Variants in SCG3 observed in about 807,000 individuals in gnomAD.
The protein encoded by SCG3 is secretogranin-3.
In SCG3, 38 loss-of-function variants were observed where a neutral mutation model predicts 56.2. The observed-to-expected ratio is 0.68, with a 90% confidence interval of 0.52 to 0.89. The LOEUF (loss-of-function observed/expected upper bound fraction) is 0.89. SCG3 is among the 40% of genes least tolerant of loss of function. SCG3 has a pLI of 0.00. For missense variants in SCG3, 524 were observed against 540.7 expected (o/e 0.97, Z 0.31); for synonymous variants, 176 against 184.2 (o/e 0.96, Z 0.36).
Position 51,689,353 on chromosome 15 carries a change from A to G in SCG3, c.675A>G (p.Lys225=), listed in dbSNP as rs537976380. 1 of 1,613,552 alleles carries G rather than the reference A, an allele frequency of 6.2e-7. No homozygotes were observed. Among genetic ancestry groups the G allele is most frequent in the South Asian group, 1.1e-5 (1 of 91,020 alleles). ...PTSWTENQAG[K]IPEKVTPMAA... is the part of the protein sequence containing the mutation. The stretch of plus-strand genomic sequence containing the variant: ...GCTGGACTGAGAATCAGGCTGGAAA[A>G]ATACCAGAGAAAGTGGTATGTATGT... The change falls in exon 6 of 12, where the codon AAA becomes AAG. Residue 225 remains lysine (K), a synonymous_variant. Transcript: ENST00000220478.
intron 1 of SCG3, 72 bp downstream of exon 1, chr15:51,681,909 G>C (rs1595825621): frequency 8.2e-7 from 1 of 1,225,500 alleles, no homozygotes; most frequent in African/African-American, 1.5e-5. Flanking sequence ...GGCATAATAC[G>C]TGAGCTGTAA....
chr15:51,709,814 G>A (rs1317938541), intron 10 of SCG3, among the ~76,000 whole-genome samples: 3 of 136,798 alleles, frequency 2.2e-5, no homozygotes, highest in East Asian at 2.2e-4. Flanking sequence ...TCCGCCTCCC[G>A]GGTTCATGCT....
intron 5 of SCG3, 36 bp downstream of exon 5, chr15:51,688,438 G>T (rs1286696704): frequency 6.2e-7 from 1 of 1,601,528 alleles, no homozygotes; most frequent in African/African-American, 1.3e-5. Flanking sequence ...CAAATTCCTA[G>T]TGCAGTTTAG....
intron 11 of SCG3, among the ~76,000 whole-genome samples, chr15:51,717,359 C>T (rs1369665043): frequency 6.7e-6 from 1 of 149,246 alleles, no homozygotes; most frequent in Non-Finnish European, 1.5e-5. Context: ...CGGTGCAAGA[C>T]TCCGTCTCAA....
At chr15:51,698,195 A>G (rs1324562595) in intron 8 of SCG3, among the ~76,000 whole-genome samples, 1 of 152,246 alleles carries the variant, frequency 6.6e-6, no homozygotes, top group Non-Finnish European at 1.5e-5. Context: ...AGTAATAATA[A>G]GATCCTTACA....
chr15:51,685,398 C>A (rs934561106), intron 4 of SCG3, among the ~76,000 whole-genome samples: 12 of 152,146 alleles, frequency 7.9e-5, no homozygotes, highest in Non-Finnish European at 8.8e-5. Context: ...TTTGATCTGA[C>A]CGCTAATTTG....
At position 51,719,647 on chromosome 15, in the gene SCG3, C is replaced by A; in HGVS notation, c.*121C>A. ...GGGTTATTAGAAAGTGCTGAATTTACAGTAGTTAACCTTTTACAAGTGGTT... is the reference window on the plus strand; with the variant it reads ...GGGTTATTAGAAAGTGCTGAATTTAAAGTAGTTAACCTTTTACAAGTGGTT... On this transcript the variant is annotated 3_prime_UTR_variant, in exon 12 of 12. Coordinates refer to ENST00000220478, the MANE Select transcript of SCG3 (RefSeq NM_013243.4). The A allele has an allele frequency of 1.5e-6, 1 of 645,432 alleles. No individual in the cohort carries two copies. Among genetic ancestry groups the A allele is most frequent in the Non-Finnish European group, 2.7e-6 (1 of 375,258 alleles). 40.0% of individuals were successfully genotyped at this position (645,432 alleles called of 1,614,324 possible). A position where few individuals can be genotyped will look rare whatever the true frequency, so the allele number is the denominator to read the frequency against.
intron 11 of SCG3, among the ~76,000 whole-genome samples, chr15:51,714,275 T>G (rs1423401193): frequency 6.6e-6 from 1 of 152,150 alleles, no homozygotes; most frequent in Admixed American, 6.5e-5. Flanking sequence ...GAGCCTAAAT[T>G]GGGGCCTAAT....
intron 1 of SCG3, 91 bp from the exon 2 acceptor site, chr15:51,682,426 T>G (rs2055200657): frequency 1.6e-6 from 1 of 619,502 alleles, no homozygotes. Context: ...TCTCCTAATA[T>G]TTTTCCTTTT....
rs548283577 is a variant in SCG3 at position 51,718,065 on chromosome 15, TTCTTCTGAGGCC to T, written c.1289-1342_1289-1331del. ...GAGAAAGATTCTGCTTCCTGAGGCC[TTCTTCTGAGGCC>T]CAAAGTGCCCTAACATTATGACAAA... On this transcript the variant is annotated intron_variant, in intron 11 of 11. Transcript: ENST00000220478. Among the ~76,000 whole-genome samples the T allele has an allele frequency of 5.9e-5, 9 of 152,296 alleles. No individual in the cohort carries two copies. The East Asian group carries it at 1.7e-3, about 29-fold the overall frequency.
chr15:51,704,244 C>CATATATATATATATAT (rs750951935), intron 10 of SCG3, among the ~76,000 whole-genome samples: 55 of 73,598 alleles, frequency 7.5e-4, no homozygotes, highest in African/African-American at 1.6e-3. Flanking sequence ...TACATACATA[C>CATATATATATATATAT]ATATATATAT....
At chr15:51,718,534 C>T (rs2055474189) in intron 11 of SCG3, among the ~76,000 whole-genome samples, 1 of 152,050 alleles carries the variant, frequency 6.6e-6, no homozygotes, top group South Asian at 2.1e-4. Flanking sequence ...CCTTTTATAC[C>T]CACTCTCTCC....
chr15:51,692,987 A>G (rs543652074), intron 7 of SCG3, among the ~76,000 whole-genome samples: 9 of 152,284 alleles, frequency 5.9e-5, no homozygotes, highest in African/African-American at 2.2e-4. Context: ...ATTCTCCAGA[A>G]TGTATTCATC....
intron 11 of SCG3, among the ~76,000 whole-genome samples, chr15:51,717,742 A>G (rs964349281): frequency 1.3e-5 from 2 of 152,120 alleles, no homozygotes; most frequent in Non-Finnish European, 2.9e-5. Flanking sequence ...GTTTTTGTTC[A>G]CCTTCCTGTC....
rs1233965653 is a variant in SCG3 at position 51,701,091 on chromosome 15, C to T, written c.1070-16C>T. 1.2e-6 allele frequency: 2 copies of T among 1,612,968 alleles called. No individual in the cohort carries two copies. The highest frequency in any genetic ancestry group is 1.3e-5 in the African/African-American group (1 of 74,876). On this transcript the variant is annotated splice_polypyrimidine_tract_variant and intron_variant, in intron 9 of 11. Transcript: ENST00000220478. ...AGGAAACAGGGCTATGACAACAATGCTCAATCTGATTACAGCACCATCAGA... is the reference window on the plus strand; with the variant it reads ...AGGAAACAGGGCTATGACAACAATGTTCAATCTGATTACAGCACCATCAGA...
At chr15:51,697,467 A>G (rs894169843) in intron 8 of SCG3, among the ~76,000 whole-genome samples, 3 of 152,246 alleles carry the variant, frequency 2.0e-5, no homozygotes, top group Non-Finnish European at 4.4e-5. Context: ...TAACTTAAGC[A>G]GAATTTAAAA....
intron 7 of SCG3, among the ~76,000 whole-genome samples, chr15:51,694,756 C>T (rs556574990): frequency 2.6e-5 from 4 of 152,220 alleles, no homozygotes; most frequent in Admixed American, 1.3e-4. Flanking sequence ...AGAGGCCGAG[C>T]GCGGTGGCTC....
chr15:51,719,509 A>T lies in SCG3; in HGVS notation c.1390A>T (p.Ile464Phe). 1 of 1,613,320 alleles carries T rather than the reference A, an allele frequency of 6.2e-7. No homozygotes were observed. The highest frequency in any genetic ancestry group is 1.3e-5 in the African/African-American group (1 of 75,020). Reference protein sequence around the residue: ...DKEEAEAIKRIYSSL With the variant: ...DKEEAEAIKRFYSSL ...GGAAGAAGCCGAGGCCATCAAGCGC[A>T]TTTATAGCAGCCTGTAAAAATGGCA... Residue 464 changes from isoleucine to phenylalanine, a missense_variant, in exon 12 of 12, where the codon ATT (isoleucine) becomes TTT (phenylalanine). Transcript: ENST00000220478.
In SCG3 at chr15:51,683,114, A is replaced by T. The variant is rs763172964; in HGVS notation, c.171A>T (p.Thr57=). Residue 57 remains threonine (T), a synonymous_variant, in exon 3 of 12, where the codon ACA becomes ACT. Transcript: ENST00000220478. ...CAGAAGAAGACAAGATTAAAAAAAC[A>T]TATCCTCCAGGTAAAAAGAAATCAT... ...AEAEEDKIKK[T]YPPENKPGQS... 91 of 1,609,778 alleles carry T rather than the reference A, an allele frequency of 5.7e-5. No homozygotes were observed. Among genetic ancestry groups the T allele is most frequent in the Non-Finnish European group, 7.5e-5 (88 of 1,178,226 alleles).
Sources: gnomAD v4.1 joint callset for allele counts (sites outside exome capture counted in the v4.1 genomes callset) on GRCh38, gnomAD v4.1.1 for gene constraint, MANE v1.5 for transcripts, NCBI Gene and HGNC (gene_info 2026-07-23, HGNC 2026-07-21) for gene names.